Variants in DIPK2B observed in about 807,000 individuals in gnomAD.
DIPK2B encodes the protein divergent protein kinase domain 2B.
A neutral mutation model predicts 22.2 loss-of-function variants in DIPK2B; 15 were observed. The observed-to-expected ratio is 0.68, with a 90% CI of 0.45 to 1.04. The LOEUF (loss-of-function observed/expected upper bound fraction) is 1.04, where lower values mean the gene tolerates loss of function less well. Among genes scored for constraint, DIPK2B ranks in the 50% least tolerant of loss-of-function variants. DIPK2B has a pLI of 0.00. For missense variants in DIPK2B, 345 were observed against 348.3 expected (o/e 0.99, Z 0.08); for synonymous variants, 163 against 153.2 (o/e 1.06, Z -0.47).
intron 2 of DIPK2B, among the ~76,000 whole-genome samples, chrX:45,187,975 C>A (rs2047192813): frequency 9.0e-6 from 1 of 111,325 alleles, no homozygotes; most frequent in Non-Finnish European, 1.9e-5. Context: ...AGAAAAGCCA[C>A]TTCAGTCACA....
intron 2 of DIPK2B, among the ~76,000 whole-genome samples, chrX:45,159,313 G>A (rs894756003): frequency 8.9e-6 from 1 of 111,838 alleles, no homozygotes; most frequent in Non-Finnish European, 1.9e-5. Flanking sequence ...CCCTTCATAG[G>A]TAGTGTATTC....
Position 45,151,419 on chromosome X carries a change from A to G in DIPK2B, c.*233T>C, listed in dbSNP as rs984384199. The G allele has an allele frequency of 2.4e-6, 1 of 420,731 alleles. No homozygotes were observed. The highest frequency in any genetic ancestry group is 2.5e-5 in the African/African-American group (1 of 39,906). The allele number at this position is 420,731 out of a possible 1,213,427, so 34.7% of individuals were successfully genotyped here. On this transcript the variant is annotated 3_prime_UTR_variant, in exon 5 of 5. Coordinates refer to ENST00000398000, the MANE Select transcript of DIPK2B (RefSeq NM_176819.4). Reference sequence around the variant, plus strand: ...AGGAAACTGAGGCTCAAAGACATTGAGTGAGCGTCCACACCCAGGTCTTCT... The same window carrying G: ...AGGAAACTGAGGCTCAAAGACATTGGGTGAGCGTCCACACCCAGGTCTTCT...
In DIPK2B at chrX:45,157,834, C is replaced by T. The variant is rs1441616550; in HGVS notation, c.553G>A (p.Val185Ile). 1 of 1,170,730 alleles carries T rather than the reference C, an allele frequency of 8.5e-7. No homozygotes were observed. Residue 185 changes from valine (V) to isoleucine (I), a missense_variant, in exon 3 of 5, where the codon GTC (valine) becomes ATC (isoleucine). Coordinates refer to ENST00000398000, the MANE Select transcript of DIPK2B (RefSeq NM_176819.4). ...CPSQRLLDRV[V>I]RRYAEVADAG... The stretch of plus-strand genomic sequence containing the variant: ...TCGGCCACCTCTGCATAGCGCCTGA[C>T]CACGCGATCCAGGAGTCGCTGCGAA...
intron 2 of DIPK2B, 24 bp from the exon 3 acceptor site, chrX:45,157,912 G>A (rs747539687): frequency 1.5e-5 from 17 of 1,105,337 alleles, no homozygotes; most frequent in Non-Finnish European, 2.0e-5. Flanking sequence ...GGAGAGAGGC[G>A]GGAGAAGAAG....
intron 2 of DIPK2B, among the ~76,000 whole-genome samples, chrX:45,179,230 T>C (rs2047135630): frequency 1.8e-5 from 2 of 111,358 alleles, no homozygotes; most frequent in Admixed American, 9.7e-5. Flanking sequence ...AGTCTTGAGA[T>C]TGCAAAATCC....
intron 2 of DIPK2B, among the ~76,000 whole-genome samples, chrX:45,169,628 T>A (rs750555113): frequency 1.8e-5 from 2 of 112,016 alleles, no homozygotes; most frequent in Admixed American, 9.4e-5. Flanking sequence ...TCTGGCATGG[T>A]CTCTGGACAT....
chrX:45,159,663 A>G (rs772153033), intron 2 of DIPK2B, among the ~76,000 whole-genome samples: 43 of 111,359 alleles, frequency 3.9e-4, no homozygotes, highest in African/African-American at 1.3e-3. Flanking sequence ...TCAGGTGCCC[A>G]GCAGTTAAGA....
chrX:45,188,905 A>G (rs900563300), intron 2 of DIPK2B, among the ~76,000 whole-genome samples: 1 of 112,011 alleles, frequency 8.9e-6, no homozygotes, highest in Non-Finnish European at 1.9e-5. Context: ...ATGTTGTAGT[A>G]TGTATCAGCA....
In DIPK2B at chrX:45,151,490, A is replaced by C; in HGVS notation, c.*162T>G. On this transcript the variant is annotated 3_prime_UTR_variant, in exon 5 of 5. Transcript: ENST00000398000. ...CCAGGACGTCCCAGCCAGCAGAGACAGCCACGTGGTATCTCACAACTCCCC... is the reference window on the plus strand; with the variant it reads ...CCAGGACGTCCCAGCCAGCAGAGACCGCCACGTGGTATCTCACAACTCCCC... 1.9e-6 allele frequency: 1 copy of C among 523,683 alleles called. No individual in the cohort carries two copies. Among genetic ancestry groups the C allele is most frequent in the African/African-American group, 2.4e-5 (1 of 42,536 alleles). 43.2% of individuals were successfully genotyped at this position (523,683 alleles called of 1,213,427 possible).
At chrX:45,174,015 A>AG (rs1242105821) in intron 2 of DIPK2B, among the ~76,000 whole-genome samples, 3 of 111,230 alleles carry the variant, frequency 2.7e-5, no homozygotes, top group African/African-American at 9.8e-5. Context: ...AAAGAAAAGC[A>AG]GGCAACTTCC....
chrX:45,177,113 C>T (rs1212479899), intron 2 of DIPK2B, among the ~76,000 whole-genome samples: 2 of 109,662 alleles, frequency 1.8e-5, no homozygotes, highest in African/African-American at 6.7e-5. Context: ...GCCTGGGCAA[C>T]ATGGCAAGAC....
chrX:45,196,665 T>C lies in DIPK2B; in HGVS notation c.233+3929A>G, dbSNP rs2047240779. ...AGAGCCTAGGAACTCCTAGGAATTA[T>C]TGTGATTAGAGGTACTGCCACTATT... On this transcript the variant is annotated intron_variant, in intron 1 of 4. Coordinates refer to ENST00000398000, the MANE Select transcript of DIPK2B (RefSeq NM_176819.4). 2.7e-5 allele frequency among the ~76,000 whole-genome samples: 3 copies of C among 110,669 alleles called. No homozygotes were observed. The Admixed American group carries it at 2.9e-4, about 11-fold the overall frequency.
At chrX:45,163,076 A>G (rs1216553911) in intron 2 of DIPK2B, 1 of 332,534 alleles carries the variant, frequency 3.0e-6, no homozygotes, top group Non-Finnish European at 3.9e-6. Context: ...GGCATTTCAT[A>G]GATGTGATTA....
At chrX:45,178,741 C>T (rs923903089) in intron 2 of DIPK2B, among the ~76,000 whole-genome samples, 4 of 111,533 alleles carry the variant, frequency 3.6e-5, no homozygotes, top group Admixed American at 9.6e-5. Context: ...GGTCCTTGAC[C>T]AGCTCCTAAG....
At chrX:45,172,784 C>T (rs1203935639) in intron 2 of DIPK2B, among the ~76,000 whole-genome samples, 2 of 112,116 alleles carry the variant, frequency 1.8e-5, no homozygotes, top group Non-Finnish European at 3.8e-5. Context: ...TCATAATTCT[C>T]CACTGGGTCA....
At chrX:45,184,528 T>G (rs1380958532) in intron 2 of DIPK2B, among the ~76,000 whole-genome samples, 1 of 111,894 alleles carries the variant, frequency 8.9e-6, no homozygotes, top group African/African-American at 3.3e-5. Flanking sequence ...TGCTCTCATA[T>G]ATAAACCAGG....
At chrX:45,185,809 C>G (rs759337215) in intron 2 of DIPK2B, among the ~76,000 whole-genome samples, 1 of 109,621 alleles carries the variant, frequency 9.1e-6, no homozygotes, top group South Asian at 4.0e-4. Flanking sequence ...CCTGCCACCA[C>G]GCCTGGCTAA....
chrX:45,179,031 T>A (rs930893231), intron 2 of DIPK2B, among the ~76,000 whole-genome samples: 3 of 111,321 alleles, frequency 2.7e-5, no homozygotes, highest in African/African-American at 9.8e-5. Flanking sequence ...CTCAACAGAA[T>A]TAAGGCAGTG....
intron 2 of DIPK2B, among the ~76,000 whole-genome samples, chrX:45,170,165 A>C (rs1399049889): frequency 9.4e-6 from 1 of 106,083 alleles, no homozygotes; most frequent in African/African-American, 3.5e-5. Context: ...AATCACTTGA[A>C]CCTTGGAGGC....
Sources: gnomAD v4.1 joint callset for allele counts (sites outside exome capture counted in the v4.1 genomes callset) on GRCh38, gnomAD v4.1.1 for gene constraint, MANE v1.5 for transcripts, NCBI Gene and HGNC (gene_info 2026-07-23, HGNC 2026-07-21) for gene names.